Variants in ERN2 observed in about 807,000 individuals in gnomAD.
ERN2 encodes endoplasmic reticulum to nucleus signaling 2, also known as serine/threonine-protein kinase/endoribonuclease IRE2.
A neutral mutation model predicts 107.9 loss-of-function variants in ERN2; 111 were observed. That is an observed-to-expected ratio of 1.03 (90% CI 0.88 to 1.20). The LOEUF is 1.20. ERN2 is among the 50% of genes most tolerant of loss of function. The pLI is 0.00. For missense variants in ERN2, 1,225 were observed against 1,197.9 expected (o/e 1.02, Z -0.33); for synonymous variants, 524 against 501.7 (o/e 1.04, Z -0.59).
At chr16:23,710,062 T>C (rs1960477448) in intron 4 of ERN2, 110 bp downstream of exon 4, 2 of 754,828 alleles carry the variant, frequency 2.6e-6, no homozygotes, top group East Asian at 2.5e-5. Flanking sequence ...TCCTGACTTA[T>C]ATCCTCTGCA....
chr16:23,693,599 A>ATATATAT (rs561633288), intron 17 of ERN2, among the ~76,000 whole-genome samples: 6 of 135,046 alleles, frequency 4.4e-5, no homozygotes, highest in African/African-American at 1.5e-4. Flanking sequence ...CAAAAAAAAA[A>ATATATAT]AAATATATAT....
In ERN2 at chr16:23,690,756, GATTCT is replaced by G; in HGVS notation, c.*70_*74del. ...AGGTGTGAGCCACTGCACCCAGCCT[GATTCT>G]GAGGCCAGCCACAGGCTCAGCTCTT... On this transcript the variant is annotated 3_prime_UTR_variant, in exon 22 of 22. Transcript: ENST00000256797. The G allele has an allele frequency of 7.5e-7, 1 of 1,341,310 alleles. No individual in the cohort carries two copies. Among genetic ancestry groups the G allele is most frequent in the Non-Finnish European group, 1.0e-6 (1 of 962,978 alleles). 83.1% of individuals were successfully genotyped at this position (1,341,310 alleles called of 1,614,324 possible).
At chr16:23,697,636 G>C (rs1377830561) in intron 13 of ERN2, among the ~76,000 whole-genome samples, 1 of 152,146 alleles carries the variant, frequency 6.6e-6, no homozygotes, top group African/African-American at 2.4e-5. Context: ...GGCCACAAAG[G>C]CCTTCAATGC....
At chr16:23,706,692 A>G (rs1960328213) in intron 6 of ERN2, 62 bp downstream of exon 6, 11 of 1,167,668 alleles carry the variant, frequency 9.4e-6, no homozygotes, top group Non-Finnish European at 1.4e-5. Context: ...CCACAGCTAG[A>G]TCTCAGCAGA....
intron 11 of ERN2, among the ~76,000 whole-genome samples, chr16:23,701,797 T>A (rs1404840715): frequency 2.0e-5 from 3 of 152,038 alleles, no homozygotes; most frequent in African/African-American, 7.3e-5. Context: ...TCCCCACTAA[T>A]TTTTTATTTT....
intron 4 of ERN2, among the ~76,000 whole-genome samples, chr16:23,708,580 A>G (rs1960417840): frequency 6.6e-6 from 1 of 150,574 alleles, no homozygotes; most frequent in Non-Finnish European, 1.5e-5. Flanking sequence ...CTGGTTTCAA[A>G]CTCCTAACCT....
At chr16:23,696,126 A>G in intron 13 of ERN2, 148 bp from the exon 14 acceptor site, 1 of 639,658 alleles carries the variant, frequency 1.6e-6, no homozygotes, top group Non-Finnish European at 2.8e-6. Flanking sequence ...CCCAAGTGCC[A>G]GACTGTCTGG....
intron 11 of ERN2, 38 bp downstream of exon 11, chr16:23,702,114 G>A: frequency 6.3e-7 from 1 of 1,590,228 alleles, no homozygotes; most frequent in Non-Finnish European, 8.6e-7. Flanking sequence ...ATCTGCTGGG[G>A]CCTCCCTACC....
intron 4 of ERN2, among the ~76,000 whole-genome samples, chr16:23,708,489 T>G (rs1960414425): frequency 1.3e-5 from 2 of 151,642 alleles, no homozygotes; most frequent in Admixed American, 1.3e-4. Context: ...CCCAAGCAGT[T>G]GGGACTGCAG....
In ERN2 at chr16:23,691,180, C is replaced by T. The variant is rs141928798; in HGVS notation, c.2517G>A (p.Arg839=). Residue 839 remains arginine (R), a synonymous_variant, in exon 21 of 22, where the codon CGG becomes CGA. Coordinates refer to ENST00000256797, the MANE Select transcript of ERN2 (RefSeq NM_033266.4). ...MPLQTDLRKF[R]SYKGTSVRDL... is the part of the protein sequence containing the mutation. Reference sequence around the variant, plus strand: ...CTCGCACTGATGTCCCCTTATAGGACCGGAACTTTCTCAGATCTGTGGACA... The same window carrying T: ...CTCGCACTGATGTCCCCTTATAGGATCGGAACTTTCTCAGATCTGTGGACA... 40 of 1,614,098 alleles carry T rather than the reference C, an allele frequency of 2.5e-5. No individual in the cohort carries two copies. In the East Asian group the frequency reaches 2.7e-4, roughly 11 times the overall value.
intron 19 of ERN2, 95 bp from the exon 20 acceptor site, chr16:23,691,520 C>A: frequency 2.1e-6 from 3 of 1,427,954 alleles, no homozygotes; most frequent in Non-Finnish European, 2.8e-6. Context: ...GGGTGACTGA[C>A]AAGGATCATT....
rs570906951 is a variant in ERN2 at position 23,709,676 on chromosome 16, G to A, written c.306+496C>T. ...TATGGCCCAGCCACCTCTGCCAAAA[G>A]CCAACCAACTACCAACCAACTTTCA... is the stretch of plus-strand genomic sequence containing the variant. On this transcript the variant is annotated intron_variant, in intron 4 of 21. Transcript: ENST00000256797. 2.8e-5 allele frequency: 5 copies of A among 178,262 alleles called. No individual in the cohort carries two copies. The East Asian group carries it at 7.7e-4, about 27-fold the overall frequency. The allele number at this position is 178,262 out of a possible 1,614,324, so 11.0% of individuals were successfully genotyped here.
chr16:23,690,824 G>T lies in ERN2; in HGVS notation c.*7C>A. 1 of 1,605,942 alleles carries T rather than the reference G, an allele frequency of 6.2e-7. No homozygotes were observed. ...ACGGAGACCATCTGTGTGGCATCCA[G>T]CCCACCTCACCTCCCTGTGGCCCCA... is the stretch of plus-strand genomic sequence containing the variant. On this transcript the variant is annotated 3_prime_UTR_variant, in exon 22 of 22. Coordinates refer to ENST00000256797, the MANE Select transcript of ERN2 (RefSeq NM_033266.4).
intron 17 of ERN2, among the ~76,000 whole-genome samples, chr16:23,694,263 C>T (rs1232465618): frequency 2.6e-5 from 4 of 152,190 alleles, no homozygotes; most frequent in Non-Finnish European, 4.4e-5. Context: ...TCTCAAAGTG[C>T]TGGGATTACA....
intron 4 of ERN2, among the ~76,000 whole-genome samples, chr16:23,707,588 G>A (rs1205688948): frequency 6.6e-6 from 1 of 152,136 alleles, no homozygotes; most frequent in Non-Finnish European, 1.5e-5. Context: ...GGTGGCATGT[G>A]CCTGTAGTCC....
chr16:23,710,298 T>A (rs1960488700), intron 3 of ERN2, 54 bp from the exon 4 acceptor site: 7 of 1,465,310 alleles, frequency 4.8e-6, no homozygotes, highest in Admixed American at 1.7e-5. Context: ...CCTGGTTTCA[T>A]GAAGGCCCCA....
Position 23,704,989 on chromosome 16 carries a change from G to C in ERN2, c.748C>G (p.Arg250Gly), listed in dbSNP as rs560116754. The change falls in exon 8 of 22, where the codon CGA becomes GGA. Residue 250 changes from arginine to glycine, a missense_variant. Coordinates refer to ENST00000256797, the MANE Select transcript of ERN2 (RefSeq NM_033266.4). ...LRQLPHLTLA[R>G]DTLHFLALRW... ...AGGGCGAGGAAATGCAGAGTGTCTC[G>C]AGCCAGCGTGAGATGCGGCAGCTGG... is the stretch of plus-strand genomic sequence containing the variant. 1 of 1,614,030 alleles carries C rather than the reference G, an allele frequency of 6.2e-7. No individual in the cohort carries two copies. Among genetic ancestry groups the C allele is most frequent in the Non-Finnish European group, 8.5e-7 (1 of 1,180,020 alleles).
In ERN2 at chr16:23,705,071, T is replaced by C. The variant is rs1376834649; in HGVS notation, c.666A>G (p.Thr222=). Residue 222 remains threonine (T), a synonymous_variant, in exon 8 of 22, where the codon ACA becomes ACG. Coordinates refer to ENST00000256797, the MANE Select transcript of ERN2 (RefSeq NM_033266.4). ...CCATCACAGGCACGCCCAGGTCCTG[T>C]GTCCACAGCACCGTCCCGCTTCCTG... ...VDPGSGTVLW[T]QDLGVPVMGV... 14 of 1,613,996 alleles carry C rather than the reference T, an allele frequency of 8.7e-6. No individual in the cohort carries two copies. Among genetic ancestry groups the C allele is most frequent in the Non-Finnish European group, 1.1e-5 (13 of 1,179,986 alleles).
rs748351416 is a variant in ERN2 at position 23,695,018 on chromosome 16, C to A, written c.1900+1G>T. ...GCGGGAGGCAGGGGAAGTGCGGGTA[C>A]CTATGTGTAAAGAGTGCAGGTGGGC... On this transcript the variant is annotated splice_donor_variant, in intron 16 of 21. Coordinates refer to ENST00000256797, the MANE Select transcript of ERN2 (RefSeq NM_033266.4). LOFTEE classifies it high-confidence loss of function. The A allele has an allele frequency of 6.2e-7, 1 of 1,613,148 alleles. No individual in the cohort carries two copies. The highest frequency in any genetic ancestry group is 1.1e-5 in the South Asian group (1 of 90,964).
Sources: allele counts gnomAD v4.1 joint callset (sites outside exome capture counted in the v4.1 genomes callset), GRCh38; gene constraint gnomAD v4.1.1; transcripts MANE v1.5; gene names NCBI Gene and HGNC (gene_info 2026-07-23, HGNC 2026-07-21).